The following PI4KA variants were observed in gnomAD, a reference collection of about 807,000 sequenced individuals.
PI4KA encodes PI4-kinase alpha.
In PI4KA, 122 loss-of-function variants were observed where a neutral mutation model predicts 271.4. That is an observed-to-expected ratio of 0.45 (90% CI 0.39 to 0.52). PI4KA has a LOEUF of 0.52. Ranked by LOEUF, PI4KA falls within the 20% of genes least tolerant of loss-of-function variation. The pLI is 0.00. For missense variants in PI4KA, 1,969 were observed against 2,769.1 expected (o/e 0.71, Z 6.48); for synonymous variants, 1,041 against 1,078.8 (o/e 0.96, Z 0.69).
intron 14 of PI4KA, among the ~76,000 whole-genome samples, chr22:20,800,969 C>T (rs1935284968): frequency 6.7e-6 from 1 of 149,648 alleles, no homozygotes; most frequent in Non-Finnish European, 1.5e-5. Context: ...CGGCTCACCG[C>T]AACCTCCGCC....
chr22:20,762,149 C>T (rs926734612), intron 22 of PI4KA, among the ~76,000 whole-genome samples: 1 of 152,112 alleles, frequency 6.6e-6, no homozygotes, highest in Non-Finnish European at 1.5e-5. Context: ...TGCACTTGTC[C>T]CATGGGTGCT....
At chr22:20,779,434 A>G (rs1322419506) in intron 19 of PI4KA, 3 of 1,614,214 alleles carry the variant, frequency 1.9e-6, no homozygotes, top group Admixed American at 3.3e-5. Context: ...GCAGATCCCC[A>G]GTGGGAGCAG....
chr22:20,787,869 G>C, intron 19 of PI4KA: 1 of 153,860 alleles, frequency 6.5e-6, no homozygotes, highest in Non-Finnish European at 1.4e-5. Context: ...GACAGGACAG[G>C]TGTGTGCTGA....
At chr22:20,833,668 T>G (rs975604355) in intron 3 of PI4KA, among the ~76,000 whole-genome samples, 13 of 149,226 alleles carry the variant, frequency 8.7e-5, no homozygotes, top group East Asian at 1.9e-4. Context: ...TTTTTTTTTT[T>G]TTTTTTTTTT....
rs533872704 is a variant in PI4KA at position 20,763,686 on chromosome 22, C to A, written c.2708+1131G>T. On this transcript the variant is annotated intron_variant, in intron 22 of 54. Transcript: ENST00000255882. ...AACTACTGGCCTCAGGTGATCCACT[C>A]GCCTTGGCCTCCTAAAGTGCTGGGG... 3.9e-5 allele frequency among the ~76,000 whole-genome samples: 6 copies of A among 152,292 alleles called. No individual in the cohort carries two copies. The East Asian group carries it at 1.2e-3, about 29-fold the overall frequency.
intron 1 of PI4KA, among the ~76,000 whole-genome samples, chr22:20,852,060 C>T (rs1406034019): frequency 6.6e-6 from 1 of 152,068 alleles, no homozygotes; most frequent in Non-Finnish European, 1.5e-5. Flanking sequence ...GGAGGCAGAG[C>T]TTGCAGTGAG....
At chr22:20,841,089 TG>T (rs1925495209) in intron 1 of PI4KA, among the ~76,000 whole-genome samples, 1 of 152,104 alleles carries the variant, frequency 6.6e-6, no homozygotes. Context: ...AAAACCAAGA[TG>T]TCTGGTCTCG....
In PI4KA at chr22:20,761,378, C is replaced by G; in HGVS notation, c.2717G>C (p.Arg906Pro). ...VYRLEYMRVL[R>P]STDPDRFQVM... ...CTGGAAGCGATCAGGATCTGTTGAA[C>G]GCAGTACCCTAAGAAGAAAACAGCT... The change falls in exon 23 of 55, where the codon CGT becomes CCT. Residue 906 changes from arginine to proline, a missense_variant. This residue lies in a region of PI4KA where 368 missense variants were observed against 544.3 expected (regional missense o/e 0.68). Transcript: ENST00000255882. 1 of 1,608,578 alleles carries G rather than the reference C, an allele frequency of 6.2e-7. No homozygotes were observed. The highest frequency in any genetic ancestry group is 8.5e-7 in the Non-Finnish European group (1 of 1,174,978).
At position 20,858,796 on chromosome 22, in the gene PI4KA, A is replaced by C. The variant is rs1159019880; in HGVS notation, c.-71T>G. 5.9e-6 allele frequency: 8 copies of C among 1,360,058 alleles called. No individual in the cohort carries two copies. Among genetic ancestry groups the C allele is most frequent in the Non-Finnish European group, 7.6e-6 (8 of 1,054,410 alleles). 84.2% of individuals were successfully genotyped at this position (1,360,058 alleles called of 1,614,324 possible). A position where few individuals can be genotyped will look rare whatever the true frequency, so the allele number is the denominator to read the frequency against. Reference sequence around the variant, plus strand: ...CCGCGAGCGCCCGACCTCAGGGCGCAGGCGTAGGTGCATCCGGCTTTCCCG... The same window carrying C: ...CCGCGAGCGCCCGACCTCAGGGCGCCGGCGTAGGTGCATCCGGCTTTCCCG... On this transcript the variant is annotated 5_prime_UTR_variant, in exon 1 of 55. Coordinates refer to ENST00000255882, the MANE Select transcript of PI4KA (RefSeq NM_058004.4).
rs768188575 is a variant in PI4KA, at chr22:20,751,341, G to A, written c.3105C>T (p.Pro1035=). 3.9e-5 allele frequency: 63 copies of A among 1,613,898 alleles called. No homozygotes were observed. Among genetic ancestry groups the A allele is most frequent in the Admixed American group, 1.0e-4 (6 of 59,984 alleles). ...IHKDQPYYDI[P]DAPYRITVPD... ...GAACCGTGATCCGGTAGGGGGCGTCGGGGATGTCATAGTAAGGCTGATCCT... is the reference window on the plus strand; with the variant it reads ...GAACCGTGATCCGGTAGGGGGCGTCAGGGATGTCATAGTAAGGCTGATCCT... The change falls in exon 27 of 55, where the codon CCC becomes CCT. Residue 1035 remains proline, a synonymous_variant. Coordinates refer to ENST00000255882, the MANE Select transcript of PI4KA (RefSeq NM_058004.4).
intron 1 of PI4KA, among the ~76,000 whole-genome samples, chr22:20,844,482 A>G (rs1385133425): frequency 6.6e-6 from 1 of 152,230 alleles, no homozygotes; most frequent in Admixed American, 6.5e-5. Context: ...TATATAATGT[A>G]CAGTCACTCC....
intron 38 of PI4KA, 27 bp downstream of exon 38, chr22:20,729,605 A>AG: frequency 1.3e-6 from 2 of 1,555,724 alleles, no homozygotes; most frequent in Non-Finnish European, 1.7e-6. Flanking sequence ...GGCGGGCAGC[A>AG]GGCACAGCTG....
At chr22:20,807,201 T>G (rs1024899559) in intron 10 of PI4KA, among the ~76,000 whole-genome samples, 161 bp downstream of exon 10, 2 of 152,226 alleles carry the variant, frequency 1.3e-5, no homozygotes, top group Non-Finnish European at 2.9e-5. Context: ...TTTTTAAATT[T>G]GCTTTTTTCC....
rs536602897 is a variant in PI4KA at position 20,832,706 on chromosome 22, T to C, written c.367+1856A>G. 4.6e-5 allele frequency among the ~76,000 whole-genome samples: 7 copies of C among 152,310 alleles called. No individual in the cohort carries two copies. The East Asian group carries it at 9.6e-4, about 21-fold the overall frequency. ...CTGACCTCAAGTGATCTACCCACCT[T>C]GGCCTCCCAAAGTGCAGAGATTACA... On this transcript the variant is annotated intron_variant, in intron 3 of 54. Coordinates refer to ENST00000255882, the MANE Select transcript of PI4KA (RefSeq NM_058004.4).
chr22:20,740,311 A>G (rs895685633), intron 32 of PI4KA, among the ~76,000 whole-genome samples: 2 of 151,694 alleles, frequency 1.3e-5, no homozygotes, highest in Non-Finnish European at 2.9e-5. Context: ...ACCCTGAAAA[A>G]CTGAAAAAGA....
chr22:20,754,297 C>G (rs757727688), intron 23 of PI4KA, among the ~76,000 whole-genome samples: 1 of 151,988 alleles, frequency 6.6e-6, no homozygotes, highest in East Asian at 1.9e-4. Context: ...CTATGTAGCC[C>G]AGGCTGGTCT....
At chr22:20,803,621 C>T (rs1285086988) in intron 12 of PI4KA, among the ~76,000 whole-genome samples, 1 of 152,202 alleles carries the variant, frequency 6.6e-6, no homozygotes, top group East Asian at 1.9e-4. Context: ...ACTTACTGGG[C>T]TTAAGCAATC....
chr22:20,787,985 T>C (rs539567284), intron 19 of PI4KA, among the ~76,000 whole-genome samples: 1 of 152,298 alleles, frequency 6.6e-6, no homozygotes, highest in African/African-American at 2.4e-5. Flanking sequence ...CTTTCATCCC[T>C]CATACCTGGT....
rs761100116 is a variant in PI4KA, at chr22:20,751,654, G to A, written c.3069+20C>T. 4.2e-5 allele frequency: 67 copies of A among 1,605,478 alleles called. 1 individual carries two copies. The South Asian group carries it at 5.1e-4, about 12-fold the overall frequency. ...TAGAGCGGGTGGTGTTTGGGCCCTA[G>A]GTCTCCTGGGGACACTCACAGCGCT... is the stretch of plus-strand genomic sequence containing the variant. On this transcript the variant is annotated intron_variant, in intron 26 of 54. Coordinates refer to ENST00000255882, the MANE Select transcript of PI4KA (RefSeq NM_058004.4).
Sources: allele counts gnomAD v4.1 joint callset (sites outside exome capture counted in the v4.1 genomes callset), GRCh38; gene constraint gnomAD v4.1.1; regional missense constraint gnomAD v4.1.1; transcripts MANE v1.5; gene names NCBI Gene and HGNC (gene_info 2026-07-23, HGNC 2026-07-21).